Variants in AK8 observed in about 807,000 individuals in gnomAD.
The protein encoded by AK8 is adenylate kinase 8, also known as ATP-AMP transphosphorylase 8.
A neutral mutation model predicts 54.6 loss-of-function variants in AK8; 44 were observed. That is an observed-to-expected ratio of 0.81 (90% CI 0.63 to 1.04). AK8 has a LOEUF of 1.04. Ranked by LOEUF, AK8 falls within the 50% of genes least tolerant of loss-of-function variation. The pLI is 0.00. For missense variants in AK8, 555 were observed against 613.6 expected, an observed-to-expected ratio of 0.90 and a Z score of 1.01; for synonymous variants, 239 against 245.6, an observed-to-expected ratio of 0.97 and a Z score of 0.25.
In AK8 at chr9:132,792,744, G is replaced by C. The variant is rs369919024; in HGVS notation, c.1011C>G (p.Ser337Arg). ...TGCAGTCCTGCTGGTCCAGGCGCTG[G>C]CTCAGCACCTTCATGAGGAGGCTGT... is the stretch of plus-strand genomic sequence containing the variant. ...VPDSLLMKVLSQRLDQQDCIQ... is the reference protein window; with the variant it reads ...VPDSLLMKVLRQRLDQQDCIQ... Residue 337 changes from serine (S) to arginine (R), a missense_variant, in exon 11 of 13, where the codon AGC becomes AGG. Ser to Arg is a moderately radical substitution (Grantham distance 110, BLOSUM62 -1). Transcript: ENST00000298545. 4.5e-6 allele frequency: 7 copies of C among 1,559,902 alleles called. No homozygotes were observed. The highest frequency in any genetic ancestry group is 5.2e-6 in the Non-Finnish European group (6 of 1,152,108).
chr9:132,870,783 T>C (rs1843791055), intron 2 of AK8, among the ~76,000 whole-genome samples: 1 of 152,194 alleles, frequency 6.6e-6, no homozygotes, highest in South Asian at 2.1e-4. Context: ...CTAGCTATAG[T>C]TACCCCAGGC....
At chr9:132,768,690 C>T (rs1466732632) in intron 11 of AK8, among the ~76,000 whole-genome samples, 1 of 152,130 alleles carries the variant, frequency 6.6e-6, no homozygotes, top group Non-Finnish European at 1.5e-5. Flanking sequence ...TATATGAATG[C>T]TAGTTGTTGC....
chr9:132,846,275 G>A (rs1266082583), intron 5 of AK8, among the ~76,000 whole-genome samples: 2 of 152,244 alleles, frequency 1.3e-5, no homozygotes, highest in Non-Finnish European at 2.9e-5. Flanking sequence ...TGTGTGGGGT[G>A]GATGGGGCAG....
intron 5 of AK8, 21 bp downstream of exon 5, chr9:132,854,836 C>T (rs1444464835): frequency 1.2e-6 from 2 of 1,613,898 alleles, no homozygotes; most frequent in South Asian, 2.2e-5. Flanking sequence ...CACTGAAACC[C>T]CTAGCTCACT....
chr9:132,856,539 G>A (rs1004739355), intron 4 of AK8, among the ~76,000 whole-genome samples: 3 of 152,050 alleles, frequency 2.0e-5, no homozygotes, highest in Non-Finnish European at 1.5e-5. Flanking sequence ...GTCTGGGTGC[G>A]CTCAAGTCCA....
chr9:132,846,082 T>C (rs1361281601), intron 5 of AK8, among the ~76,000 whole-genome samples: 1 of 152,216 alleles, frequency 6.6e-6, no homozygotes, highest in Non-Finnish European at 1.5e-5. Flanking sequence ...CTCTGGATTC[T>C]AGATTTCCAC....
In AK8 at chr9:132,823,530, G is replaced by T. The variant is rs992710133; in HGVS notation, c.758-194C>A. Among the ~76,000 whole-genome samples, 5 of 152,360 alleles carry T rather than the reference G, an allele frequency of 3.3e-5. 1 individual carries two copies. Among genetic ancestry groups the T allele is most frequent in the East Asian group, 1.9e-4 (1 of 5,182 alleles). On this transcript the variant is annotated intron_variant, in intron 8 of 12. Transcript: ENST00000298545. ...GCAGGCCTGGGCACCAAGGCAGGGAGCGAGGAGTGAAGTCCACAGAAGCCA... is the reference window on the plus strand; with the variant it reads ...GCAGGCCTGGGCACCAAGGCAGGGATCGAGGAGTGAAGTCCACAGAAGCCA...
chr9:132,800,519 A>G (rs1840394935), intron 10 of AK8, among the ~76,000 whole-genome samples: 2 of 152,194 alleles, frequency 1.3e-5, no homozygotes, highest in African/African-American at 4.8e-5. Flanking sequence ...CAATTGCCCC[A>G]GACAAACCCC....
chr9:132,800,919 CTTT>C (rs34462868), intron 10 of AK8, among the ~76,000 whole-genome samples: 5 of 123,796 alleles, frequency 4.0e-5, no homozygotes, highest in Non-Finnish European at 5.0e-5. Context: ...TCAGTTTGTC[CTTT>C]TTTTTTTTTT....
chr9:132,737,139 T>C (rs1590172430), intron 11 of AK8, among the ~76,000 whole-genome samples: 1 of 152,036 alleles, frequency 6.6e-6, no homozygotes, highest in Non-Finnish European at 1.5e-5. Flanking sequence ...CTTTATGTTA[T>C]ATATATTTAA....
chr9:132,843,050 G>A (rs1842606365), intron 5 of AK8, among the ~76,000 whole-genome samples: 1 of 152,162 alleles, frequency 6.6e-6, no homozygotes, highest in Non-Finnish European at 1.5e-5. Flanking sequence ...CCCACTCAAG[G>A]GGAGGGGATT....
intron 11 of AK8, among the ~76,000 whole-genome samples, chr9:132,773,622 T>C (rs1381736041): frequency 6.6e-6 from 1 of 152,206 alleles, no homozygotes; most frequent in Non-Finnish European, 1.5e-5. Context: ...GTCATTGCCA[T>C]GTTACATGGG....
At position 132,827,986 on chromosome 9, in the gene AK8, G is replaced by C. The variant is rs760438331; in HGVS notation, c.556+27C>G. 4.5e-6 allele frequency: 7 copies of C among 1,552,596 alleles called. No individual in the cohort carries two copies. In the African/African-American group the frequency reaches 9.6e-5, roughly 21 times the overall value. ...ACCATGGACTCTGAAACCCCATGGGGCTGGGTGGGGGTGGCCGTAGCCATA... is the reference window on the plus strand; with the variant it reads ...ACCATGGACTCTGAAACCCCATGGGCCTGGGTGGGGGTGGCCGTAGCCATA... On this transcript the variant is annotated intron_variant, in intron 7 of 12. Coordinates refer to ENST00000298545, the MANE Select transcript of AK8 (RefSeq NM_152572.3).
intron 10 of AK8, among the ~76,000 whole-genome samples, chr9:132,793,510 G>T (rs1244463627): frequency 6.6e-6 from 1 of 152,164 alleles, no homozygotes; most frequent in Non-Finnish European, 1.5e-5. Context: ...TCTGTGATGC[G>T]CTAGCAACGC....
intron 11 of AK8, among the ~76,000 whole-genome samples, chr9:132,755,228 G>T (rs1838131460): frequency 6.6e-6 from 1 of 152,168 alleles, no homozygotes; most frequent in Admixed American, 6.5e-5. Flanking sequence ...TTTTCCATGT[G>T]TCAGAGACCT....
At chr9:132,816,666 T>G (rs556749324) in intron 9 of AK8, among the ~76,000 whole-genome samples, 2 of 152,282 alleles carry the variant, frequency 1.3e-5, no homozygotes, top group African/African-American at 4.8e-5. Flanking sequence ...GCTGTGAAAC[T>G]GAACAAAATC....
intron 5 of AK8, among the ~76,000 whole-genome samples, chr9:132,854,388 A>C (rs973949781): frequency 8.6e-5 from 13 of 151,554 alleles, no homozygotes; most frequent in Non-Finnish European, 1.9e-4. Context: ...TGCCCTCTCC[A>C]CCCTCCTTGT....
rs1047138280 is a variant in AK8, at chr9:132,837,799, A to C, written c.403-9073T>G. Among the ~76,000 whole-genome samples, 1 of 152,200 alleles carries C rather than the reference A, an allele frequency of 6.6e-6. No homozygotes were observed. Among genetic ancestry groups the C allele is most frequent in the African/African-American group, 2.4e-5 (1 of 41,452 alleles). On this transcript the variant is annotated intron_variant, in intron 5 of 12. Coordinates refer to ENST00000298545, the MANE Select transcript of AK8 (RefSeq NM_152572.3). The surrounding 1 kb of genome is among the most constrained non-coding windows in gnomAD (Gnocchi z 4.3). ...CAGAAACACCCACAAATAAGGGGGCACAGGAGGTGTGCTCACTGTGCTGTG... is the reference window on the plus strand; with the variant it reads ...CAGAAACACCCACAAATAAGGGGGCCCAGGAGGTGTGCTCACTGTGCTGTG...
At chr9:132,768,586 C>G (rs1274630357) in intron 11 of AK8, among the ~76,000 whole-genome samples, 4 of 152,146 alleles carry the variant, frequency 2.6e-5, no homozygotes, top group Non-Finnish European at 5.9e-5. Flanking sequence ...TTGTTTATGC[C>G]TTTTGGATCA....
Sources: gnomAD v4.1 joint callset for allele counts (sites outside exome capture counted in the v4.1 genomes callset) on GRCh38, gnomAD v4.1.1 for gene constraint, Gnocchi (gnomAD v3.1) non-coding constraint, MANE v1.5 for transcripts, NCBI Gene and HGNC (gene_info 2026-07-23, HGNC 2026-07-21) for gene names.